TMEM132D: variants seen among roughly 807,000 people sequenced by gnomAD.
TMEM132D encodes the protein transmembrane protein 132D, also known as mature OL transmembrane protein.
TMEM132D carries 21 observed loss-of-function variants against 62.3 expected under a neutral mutation model. The ratio of observed to expected loss-of-function variants is 0.34; its 90% CI spans 0.24 to 0.49. The LOEUF (loss-of-function observed/expected upper bound fraction) is 0.49, where lower values mean the gene tolerates loss of function less well. Among genes scored for constraint, TMEM132D ranks in the 20% least tolerant of loss-of-function variants. The probability of loss-of-function intolerance (pLI) is 0.99; values close to 1 mark genes in which losing one functional copy is unlikely to be tolerated. For synonymous variants in TMEM132D, 621 were observed against 575.6 expected (o/e 1.08, Z -1.13); for missense variants, 1,346 against 1,402.8 (o/e 0.96, Z 0.65).
chr12:129,148,415 T>A lies in TMEM132D; in HGVS notation c.1443+61105A>T, dbSNP rs112379812. ...GGGTAGCCCAATGTCATCACAAGGG[T>A]CCTTAAAAGAAGGAGGCAGGAGGTC... On this transcript the variant is annotated intron_variant, in intron 5 of 8. Transcript: ENST00000422113. Among the ~76,000 whole-genome samples the A allele has an allele frequency of 2.3e-4, 35 of 151,960 alleles. 1 individual carries two copies. Among genetic ancestry groups the A allele is most frequent in the African/African-American group, 8.4e-4 (35 of 41,450 alleles).
At chr12:129,401,142 T>C (rs1345005085) in intron 3 of TMEM132D, among the ~76,000 whole-genome samples, 2 of 152,194 alleles carry the variant, frequency 1.3e-5, no homozygotes, top group Non-Finnish European at 2.9e-5. Flanking sequence ...CAAACTGCCA[T>C]GTGTGACCAC....
intron 3 of TMEM132D, among the ~76,000 whole-genome samples, chr12:129,445,740 C>T (rs1236727969): frequency 2.0e-5 from 3 of 152,134 alleles, no homozygotes; most frequent in South Asian, 4.1e-4. Flanking sequence ...ATAAACCACC[C>T]ATAGTCACAG....
chr12:129,468,571 T>G (rs923406593), intron 3 of TMEM132D, among the ~76,000 whole-genome samples: 5 of 152,324 alleles, frequency 3.3e-5, no homozygotes, highest in African/African-American at 1.2e-4. Flanking sequence ...TAAGATTTTT[T>G]TTTTTGTTTT....
intron 2 of TMEM132D, among the ~76,000 whole-genome samples, chr12:129,571,075 G>T (rs1388557898): frequency 2.0e-5 from 3 of 152,202 alleles, no homozygotes; most frequent in Non-Finnish European, 4.4e-5. Context: ...ATAATTCTAT[G>T]CCATCTGAAT....
intron 2 of TMEM132D, among the ~76,000 whole-genome samples, chr12:129,598,269 T>G (rs1307594257): frequency 6.6e-6 from 1 of 152,226 alleles, no homozygotes; most frequent in Non-Finnish European, 1.5e-5. Flanking sequence ...CACAGTTTAC[T>G]CTGGAATAAC....
intron 3 of TMEM132D, among the ~76,000 whole-genome samples, chr12:129,386,289 T>C (rs980513138): frequency 6.6e-6 from 1 of 152,022 alleles, no homozygotes; most frequent in Non-Finnish European, 1.5e-5. Flanking sequence ...CCAAAACCAA[T>C]GCTAACACTA....
intron 1 of TMEM132D, among the ~76,000 whole-genome samples, chr12:129,888,621 T>C (rs1874822484): frequency 6.6e-6 from 1 of 152,136 alleles, no homozygotes; most frequent in Non-Finnish European, 1.5e-5. Flanking sequence ...GGAGAATCAC[T>C]TGAACCCAGG....
intron 1 of TMEM132D, among the ~76,000 whole-genome samples, chr12:129,876,212 T>C (rs191299332): frequency 6.6e-6 from 1 of 152,164 alleles, no homozygotes; most frequent in Non-Finnish European, 1.5e-5. Flanking sequence ...AGCCGAGAAA[T>C]GTTATTTCCA....
intron 4 of TMEM132D, among the ~76,000 whole-genome samples, chr12:129,238,683 A>C (rs1879851587): frequency 6.6e-6 from 1 of 152,232 alleles, no homozygotes; most frequent in South Asian, 2.1e-4. Flanking sequence ...GCTGGATGAT[A>C]TTCCACTCTA....
intron 1 of TMEM132D, among the ~76,000 whole-genome samples, chr12:129,729,358 G>T (rs1346291551): frequency 6.6e-6 from 1 of 152,158 alleles, no homozygotes; most frequent in Non-Finnish European, 1.5e-5. Context: ...ATAATTATTT[G>T]TTGTGACAGT....
intron 2 of TMEM132D, among the ~76,000 whole-genome samples, chr12:129,642,944 G>A (rs1434932682): frequency 6.5e-4 from 38 of 58,788 alleles, no homozygotes; most frequent in African/African-American, 2.5e-3. Context: ...TTTTTTTTGA[G>A]ACGGAGTTTC....
Position 129,107,424 on chromosome 12 carries a change from G to A in TMEM132D, c.1444-22722C>T, listed in dbSNP as rs752578890. Among the ~76,000 whole-genome samples the A allele has an allele frequency of 2.0e-4, 30 of 152,260 alleles. 1 individual carries two copies. Among genetic ancestry groups the A allele is most frequent in the Middle Eastern group, 3.4e-3 (1 of 294 alleles). On this transcript the variant is annotated intron_variant, in intron 5 of 8. Coordinates refer to ENST00000422113, the MANE Select transcript of TMEM132D (RefSeq NM_133448.3). Reference sequence around the variant, plus strand: ...TTAATGATATATATTTCAACATGCCGTTTGAGCATGACCACGTGAGAAAAC... The same window carrying A: ...TTAATGATATATATTTCAACATGCCATTTGAGCATGACCACGTGAGAAAAC...
At chr12:129,227,458 A>T (rs1287612766) in intron 4 of TMEM132D, among the ~76,000 whole-genome samples, 1 of 149,620 alleles carries the variant, frequency 6.7e-6, no homozygotes, top group African/African-American at 2.4e-5. Context: ...CCTTCTCTTC[A>T]TTAATAAGAG....
rs781205309 is a variant in TMEM132D at position 129,315,679 on chromosome 12, C to A, written c.1299+21955G>T. Among the ~76,000 whole-genome samples the A allele has an allele frequency of 5.6e-4, 86 of 152,242 alleles. 1 individual carries two copies. The highest frequency in any genetic ancestry group is 1.1e-3 in the Non-Finnish European group (77 of 67,994). The stretch of plus-strand genomic sequence containing the variant: ...TACATAGAATGAATTAGGGAGGGTT[C>A]CCTCTTTCTCTACCTTGTGGAATAG... On this transcript the variant is annotated intron_variant, in intron 4 of 8. Transcript: ENST00000422113.
intron 4 of TMEM132D, among the ~76,000 whole-genome samples, chr12:129,244,107 CG>C (rs1880008244): frequency 6.6e-6 from 1 of 152,084 alleles, no homozygotes; most frequent in Non-Finnish European, 1.5e-5. Flanking sequence ...TTATTCCGGC[CG>C]GGTGCGGTGG....
intron 1 of TMEM132D, among the ~76,000 whole-genome samples, chr12:129,783,138 A>C (rs1270976797): frequency 6.6e-6 from 1 of 152,244 alleles, no homozygotes; most frequent in Non-Finnish European, 1.5e-5. Context: ...CTAGGATTTC[A>C]ACATTAATGC....
At chr12:129,564,832 T>C (rs1565905728) in intron 2 of TMEM132D, among the ~76,000 whole-genome samples, 2 of 152,194 alleles carry the variant, frequency 1.3e-5, no homozygotes, top group Non-Finnish European at 2.9e-5. Flanking sequence ...TGATGGGTAT[T>C]GTTGTCAGGC....
chr12:129,254,157 C>CA (rs1467526771), intron 4 of TMEM132D, among the ~76,000 whole-genome samples: 1 of 151,868 alleles, frequency 6.6e-6, no homozygotes, highest in Admixed American at 6.6e-5. Flanking sequence ...TATGGACAAC[C>CA]AAAAAAATCA....
chr12:129,198,389 A>G (rs943833852), intron 5 of TMEM132D, among the ~76,000 whole-genome samples: 26 of 152,214 alleles, frequency 1.7e-4, no homozygotes, highest in Non-Finnish European at 3.4e-4. Flanking sequence ...ACTACTTACA[A>G]TAGCGGAGTT....
Sources: gnomAD v4.1 joint callset for allele counts (sites outside exome capture counted in the v4.1 genomes callset) on GRCh38, gnomAD v4.1.1 for gene constraint, MANE v1.5 for transcripts, NCBI Gene and HGNC (gene_info 2026-07-23, HGNC 2026-07-21) for gene names.